Variants in GRIK1 observed in about 807,000 individuals in gnomAD.
GRIK1 encodes the protein glutamate receptor ionotropic, kainate 1.
GRIK1 carries 69 observed loss-of-function variants against 105.7 expected under a neutral mutation model. The ratio of observed to expected loss-of-function variants is 0.65; its 90% confidence interval spans 0.54 to 0.80. The LOEUF (loss-of-function observed/expected upper bound fraction) is 0.80. GRIK1 is among the 30% of genes least tolerant of loss of function. The probability of loss-of-function intolerance (pLI) is 0.00; values close to 1 mark genes in which losing one functional copy is unlikely to be tolerated. For missense variants in GRIK1, 1,109 were observed against 1,167.3 expected (o/e 0.95, Z 0.73); for synonymous variants, 438 against 431.3 (o/e 1.02, Z -0.19).
At chr21:29,821,423 T>A (rs2067303585) in intron 1 of GRIK1, among the ~76,000 whole-genome samples, 1 of 152,034 alleles carries the variant, frequency 6.6e-6, no homozygotes, top group Non-Finnish European at 1.5e-5. Flanking sequence ...ACTTCCAGCA[T>A]CACCAGTGGC....
intron 4 of GRIK1, among the ~76,000 whole-genome samples, chr21:29,671,992 A>G (rs1448569219): frequency 6.6e-6 from 1 of 151,872 alleles, no homozygotes; most frequent in Non-Finnish European, 1.5e-5. Flanking sequence ...CTAAGTTTCC[A>G]GAGGGCAAAA....
intron 1 of GRIK1, among the ~76,000 whole-genome samples, chr21:29,919,407 C>T (rs2146319593): frequency 6.6e-6 from 1 of 152,244 alleles, no homozygotes; most frequent in East Asian, 1.9e-4. Flanking sequence ...AGTGGCTATG[C>T]ACACAGAGGA....
At chr21:29,726,784 A>T (rs1042043331) in intron 1 of GRIK1, among the ~76,000 whole-genome samples, 1 of 151,824 alleles carries the variant, frequency 6.6e-6, no homozygotes, top group Non-Finnish European at 1.5e-5. Context: ...GTACATGTAG[A>T]CACATATATA....
At chr21:29,914,433 C>T (rs779594663) in intron 1 of GRIK1, among the ~76,000 whole-genome samples, 5 of 152,042 alleles carry the variant, frequency 3.3e-5, no homozygotes, top group Non-Finnish European at 5.9e-5. Flanking sequence ...CTTCCTGCCC[C>T]TATGGGGCAG....
At chr21:29,798,703 A>G (rs1028469401) in intron 1 of GRIK1, among the ~76,000 whole-genome samples, 2 of 152,192 alleles carry the variant, frequency 1.3e-5, no homozygotes, top group Admixed American at 1.3e-4. Context: ...TTTCCTCTCA[A>G]TTCCTGTCTC....
intron 1 of GRIK1, among the ~76,000 whole-genome samples, chr21:29,789,215 C>A (rs1262761099): frequency 3.3e-5 from 5 of 152,222 alleles, no homozygotes; most frequent in Non-Finnish European, 1.5e-5. Flanking sequence ...TTGGGAATGA[C>A]TTCCTTGTTT....
At chr21:29,585,127 A>G (rs2091102813) in intron 12 of GRIK1, among the ~76,000 whole-genome samples, 1 of 152,184 alleles carries the variant, frequency 6.6e-6, no homozygotes, top group African/African-American at 2.4e-5. Context: ...AAGAGGAGAC[A>G]AGAAGAATAA....
chr21:29,803,388 T>G (rs1000229242), intron 1 of GRIK1, among the ~76,000 whole-genome samples: 1 of 152,190 alleles, frequency 6.6e-6, no homozygotes, highest in Non-Finnish European at 1.5e-5. Context: ...ATGCACCACA[T>G]AAGCAAATGA....
In GRIK1 at chr21:29,650,974, C is replaced by T. The variant is rs1055625092; in HGVS notation, c.954+144G>A. 27 of 577,922 alleles carry T rather than the reference C, an allele frequency of 4.7e-5. No homozygotes were observed. In the African/African-American group the frequency reaches 5.2e-4, roughly 11 times the overall value. The allele number at this position is 577,922 out of a possible 1,614,324, so 35.8% of individuals were successfully genotyped here. A position where few individuals can be genotyped will look rare whatever the true frequency, so the allele number is the denominator to read the frequency against. On this transcript the variant is annotated intron_variant, in intron 6 of 17. Coordinates refer to ENST00000327783, the MANE Select transcript of GRIK1 (RefSeq NM_001330994.2). Reference sequence around the variant, plus strand: ...TAGCCAGTCACAGCCTTTCAAATTACCTAAAAAGCAAACTCTTTCTTCTCT... The same window carrying T: ...TAGCCAGTCACAGCCTTTCAAATTATCTAAAAAGCAAACTCTTTCTTCTCT...
chr21:29,589,079 A>T, intron 10 of GRIK1, 37 bp from the exon 11 acceptor site: 2 of 1,147,900 alleles, frequency 1.7e-6, no homozygotes, highest in Non-Finnish European at 2.6e-6. Context: ...ACCCTGTTAT[A>T]ATGAAAGGAA....
intron 1 of GRIK1, among the ~76,000 whole-genome samples, chr21:29,723,608 T>C (rs2146867032): frequency 6.6e-6 from 1 of 152,240 alleles, no homozygotes; most frequent in East Asian, 1.9e-4. Flanking sequence ...AGTTGATTCA[T>C]ATCAGAGATA....
chr21:29,847,502 G>A (rs2068159110), intron 1 of GRIK1, among the ~76,000 whole-genome samples: 1 of 152,198 alleles, frequency 6.6e-6, no homozygotes, highest in African/African-American at 2.4e-5. Flanking sequence ...GCTGAGGCAG[G>A]AGAATCCCTT....
rs1479678343 is a variant in GRIK1, at chr21:29,800,386, C to T, written c.119-106323G>A. On this transcript the variant is annotated intron_variant, in intron 1 of 17. Transcript: ENST00000327783. ...TTACAAACCCATACTGGCCCATTTT[C>T]CCCACTCTAAAAGCTTTTAAAAAGA... Among the ~76,000 whole-genome samples, 8 of 152,250 alleles carry T rather than the reference C, an allele frequency of 5.3e-5. No homozygotes were observed. In the East Asian group the frequency reaches 1.2e-3, roughly 22 times the overall value.
intron 1 of GRIK1, among the ~76,000 whole-genome samples, chr21:29,799,373 C>T (rs1198425701): frequency 1.3e-5 from 2 of 152,192 alleles, no homozygotes; most frequent in African/African-American, 2.4e-5. Context: ...ATATCTTCCA[C>T]TTAACATGTA....
intron 1 of GRIK1, among the ~76,000 whole-genome samples, chr21:29,844,797 C>A (rs1277509107): frequency 6.6e-6 from 1 of 152,156 alleles, no homozygotes; most frequent in Non-Finnish European, 1.5e-5. Flanking sequence ...AAATACTTTT[C>A]ATAGTTGATT....
chr21:29,845,748 A>G (rs1483619842), intron 1 of GRIK1, among the ~76,000 whole-genome samples: 2 of 152,188 alleles, frequency 1.3e-5, no homozygotes, highest in East Asian at 3.9e-4. Flanking sequence ...ATCTACACCC[A>G]TGTTCCATAT....
rs534156779 is a variant in GRIK1, at chr21:29,745,841, T to C, written c.119-51778A>G. Reference sequence around the variant, plus strand: ...AAGAGAGTCCGGGCATGGTGGCTCATGCCTGTAATCCCAGCATTTTGGGAG... The same window carrying C: ...AAGAGAGTCCGGGCATGGTGGCTCACGCCTGTAATCCCAGCATTTTGGGAG... On this transcript the variant is annotated intron_variant, in intron 1 of 17. Coordinates refer to ENST00000327783, the MANE Select transcript of GRIK1 (RefSeq NM_001330994.2). Among the ~76,000 whole-genome samples, 697 of 152,336 alleles carry C rather than the reference T, an allele frequency of 4.6e-3. 3 individuals carry two copies. Among genetic ancestry groups the C allele is most frequent in the Non-Finnish European group, 7.8e-3 (533 of 68,032 alleles).
chr21:29,763,425 A>G (rs1251512594), intron 1 of GRIK1, among the ~76,000 whole-genome samples: 1 of 152,240 alleles, frequency 6.6e-6, no homozygotes, highest in Admixed American at 6.5e-5. Context: ...ACAGGGACTA[A>G]GCGTCACAAG....
intron 13 of GRIK1, 70 bp from the exon 14 acceptor site, chr21:29,577,251 ACTATT>A: frequency 1.2e-6 from 1 of 857,982 alleles, no homozygotes; most frequent in Admixed American, 1.7e-5. Flanking sequence ...ACAGTTCGAC[ACTATT>A]CTAGGAAGAT....
Sources: allele counts gnomAD v4.1 joint callset (sites outside exome capture counted in the v4.1 genomes callset), GRCh38; gene constraint gnomAD v4.1.1; transcripts MANE v1.5; gene names NCBI Gene and HGNC (gene_info 2026-07-23, HGNC 2026-07-21).